The following TSHZ2 variants were observed in gnomAD, a reference collection of about 807,000 sequenced individuals.
TSHZ2 encodes the protein teashirt zinc finger homeobox 2.
In TSHZ2, 21 loss-of-function variants were observed where a neutral mutation model predicts 74.4. The ratio of observed to expected loss-of-function variants is 0.28; its 90% CI spans 0.20 to 0.41. The LOEUF is 0.41. Among genes scored for constraint, TSHZ2 ranks in the 10% least tolerant of loss-of-function variants. TSHZ2 has a pLI of 1.00. For synonymous variants in TSHZ2, 540 were observed against 515.3 expected, an observed-to-expected ratio of 1.05 and a Z score of -0.65; for missense variants, 1,244 against 1,293.5, an observed-to-expected ratio of 0.96 and a Z score of 0.59.
intron 1 of TSHZ2, among the ~76,000 whole-genome samples, chr20:52,984,735 G>A (rs1013964262): frequency 1.3e-5 from 2 of 152,122 alleles, no homozygotes; most frequent in Non-Finnish European, 2.9e-5. Flanking sequence ...CGAGCAGGCC[G>A]ACCACTCAAG....
intron 1 of TSHZ2, among the ~76,000 whole-genome samples, chr20:52,990,114 G>A (rs926479961): frequency 2.0e-5 from 3 of 151,870 alleles, no homozygotes; most frequent in Non-Finnish European, 2.9e-5. Context: ...AATATTGGTG[G>A]TAATTTTTAC....
chr20:53,208,593 T>G (rs2123603025), intron 1 of TSHZ2: 1 of 152,244 alleles, frequency 6.6e-6, no homozygotes, highest in Non-Finnish European at 1.5e-5. Context: ...GCTTACCAGG[T>G]GTGAGGCGGT....
At chr20:53,440,725 T>C (rs1472557670) in intron 2 of TSHZ2, among the ~76,000 whole-genome samples, 1 of 152,222 alleles carries the variant, frequency 6.6e-6, no homozygotes, top group Non-Finnish European at 1.5e-5. Context: ...CCAACCTCAA[T>C]TGATTGAATC....
chr20:53,240,852 C>T (rs780363824), intron 1 of TSHZ2, among the ~76,000 whole-genome samples: 8 of 151,876 alleles, frequency 5.3e-5, no homozygotes, highest in Non-Finnish European at 1.2e-4. Context: ...AATTAAAAAG[C>T]AAGGGAAAAT....
intron 1 of TSHZ2, among the ~76,000 whole-genome samples, chr20:53,047,726 C>CAA (rs146052875): frequency 6.7e-6 from 1 of 148,904 alleles, no homozygotes; most frequent in Non-Finnish European, 1.5e-5. Context: ...CATTTTGGAG[C>CAA]AAAAAAAAAC....
chr20:53,354,171 T>C (rs1980759478), intron 2 of TSHZ2, among the ~76,000 whole-genome samples: 1 of 152,194 alleles, frequency 6.6e-6, no homozygotes, highest in African/African-American at 2.4e-5. Flanking sequence ...AACTTTGAAG[T>C]GTAACGACGT....
At chr20:53,031,179 A>T (rs1031450734) in intron 1 of TSHZ2, among the ~76,000 whole-genome samples, 3 of 152,218 alleles carry the variant, frequency 2.0e-5, no homozygotes, top group Non-Finnish European at 4.4e-5. Context: ...CCTAGAAAGG[A>T]TAATTTATTG....
intron 1 of TSHZ2, among the ~76,000 whole-genome samples, chr20:53,081,120 G>T (rs191370858): frequency 6.6e-6 from 1 of 152,246 alleles, no homozygotes; most frequent in Admixed American, 6.5e-5. Context: ...GGCTCAAGCA[G>T]TCCTCCTGCC....
At chr20:53,245,284 C>T (rs1363295104) in intron 1 of TSHZ2, among the ~76,000 whole-genome samples, 3 of 152,230 alleles carry the variant, frequency 2.0e-5, no homozygotes, top group Non-Finnish European at 2.9e-5. Context: ...TTACACAGTA[C>T]ACCAAGGTCT....
chr20:53,334,526 A>C (rs1394736812), intron 2 of TSHZ2, among the ~76,000 whole-genome samples: 1 of 152,090 alleles, frequency 6.6e-6, no homozygotes, highest in African/African-American at 2.4e-5. Context: ...TCAAAGAGAA[A>C]ATGTGGGGAG....
chr20:53,089,892 T>C (rs561477868), intron 1 of TSHZ2, among the ~76,000 whole-genome samples: 1 of 152,318 alleles, frequency 6.6e-6, no homozygotes, highest in Non-Finnish European at 1.5e-5. Context: ...AGGATAGATG[T>C]ATATATCAAG....
intron 1 of TSHZ2, among the ~76,000 whole-genome samples, chr20:53,123,394 G>C (rs1986865535): frequency 6.6e-6 from 1 of 152,144 alleles, no homozygotes; most frequent in Non-Finnish European, 1.5e-5. Flanking sequence ...GCCTCTGCTT[G>C]TCTGGACTGG....
intron 2 of TSHZ2, among the ~76,000 whole-genome samples, chr20:53,425,166 C>T (rs1482480180): frequency 2.0e-5 from 3 of 152,210 alleles, no homozygotes; most frequent in African/African-American, 7.2e-5. Flanking sequence ...GGACCACCCT[C>T]TTTCTATCCC....
intron 1 of TSHZ2, among the ~76,000 whole-genome samples, chr20:53,021,499 A>G (rs2123034139): frequency 6.6e-6 from 1 of 152,254 alleles, no homozygotes; most frequent in Middle Eastern, 3.4e-3. Flanking sequence ...CTTCCCCTCT[A>G]CTTAACAATG....
rs1307998667 is a variant in TSHZ2, at chr20:53,320,596, TAGA to T, written c.*8+64028_*8+64030del. Among the ~76,000 whole-genome samples the T allele has an allele frequency of 3.9e-5, 6 of 152,298 alleles. No individual in the cohort carries two copies. In the South Asian group the frequency reaches 6.2e-4, roughly 16 times the overall value. On this transcript the variant is annotated intron_variant, in intron 2 of 2. Transcript: ENST00000371497. ...AAATCCTTTCTAGAAGTGTTGCTGG[TAGA>T]AGGCTCAGAGCCCACGGCCAGCTCT...
chr20:53,219,323 C>T (rs1373495547), intron 1 of TSHZ2, among the ~76,000 whole-genome samples: 2 of 152,162 alleles, frequency 1.3e-5, no homozygotes, highest in Non-Finnish European at 2.9e-5. Flanking sequence ...ATTTGTGAGG[C>T]TTAACATCTC....
chr20:52,983,720 G>A (rs1981650775), intron 1 of TSHZ2, among the ~76,000 whole-genome samples: 1 of 152,226 alleles, frequency 6.6e-6, no homozygotes, highest in South Asian at 2.1e-4. Context: ...GCCTTCGACT[G>A]AAGAGCAGTG....
intron 2 of TSHZ2, among the ~76,000 whole-genome samples, chr20:53,447,959 G>C (rs1056287806): frequency 6.7e-6 from 1 of 149,950 alleles, no homozygotes; most frequent in Non-Finnish European, 1.5e-5. Flanking sequence ...TGTTGCCCAG[G>C]CTGGAGTGCA....
rs1989215799 is a variant in TSHZ2, at chr20:53,208,094, G to C, written c.41-45405G>C. Among the ~76,000 whole-genome samples the C allele has an allele frequency of 2.0e-5, 3 of 152,206 alleles. No individual in the cohort carries two copies. In the South Asian group the frequency reaches 6.2e-4, roughly 32 times the overall value. Reference sequence around the variant, plus strand: ...CATAGATGCAAATATCTTTGACCTTGTTGGCATGACAGTTCTACCACCATT... The same window carrying C: ...CATAGATGCAAATATCTTTGACCTTCTTGGCATGACAGTTCTACCACCATT... On this transcript the variant is annotated intron_variant, in intron 1 of 2. Transcript: ENST00000371497.
Sources: allele counts gnomAD v4.1 joint callset (sites outside exome capture counted in the v4.1 genomes callset), GRCh38; gene constraint gnomAD v4.1.1; transcripts MANE v1.5; gene names NCBI Gene and HGNC (gene_info 2026-07-23, HGNC 2026-07-21).